Variants in PPP2CA observed in about 807,000 individuals in gnomAD.
PPP2CA encodes the protein serine/threonine-protein phosphatase 2A catalytic subunit alpha isoform.
A neutral mutation model predicts 38.8 loss-of-function variants in PPP2CA; 5 were observed. The ratio of observed to expected loss-of-function variants is 0.13; its 90% CI spans 0.07 to 0.27. PPP2CA has a LOEUF of 0.27. PPP2CA is among the 10% of genes least tolerant of loss of function. PPP2CA has a pLI of 1.00. For missense variants in PPP2CA, 88 were observed against 389.7 expected, an observed-to-expected ratio of 0.23 and a Z score of 6.52; for synonymous variants, 152 against 134.0, an observed-to-expected ratio of 1.13 and a Z score of -0.93.
chr5:134,207,174 C>T (rs4958223), intron 1 of PPP2CA, among the ~76,000 whole-genome samples: 117,634 of 152,124 alleles, frequency 0.77, 45,944 homozygotes, highest in Non-Finnish European at 0.82. Context: ...GAGGCCAAGG[C>T]GGGCCGATCA....
chr5:134,214,454 T>C (rs1274210370), intron 1 of PPP2CA, among the ~76,000 whole-genome samples: 3 of 152,188 alleles, frequency 2.0e-5, no homozygotes, highest in Non-Finnish European at 2.9e-5. Flanking sequence ...CAGGGCAAAA[T>C]AGCATTAACT....
intron 1 of PPP2CA, among the ~76,000 whole-genome samples, chr5:134,210,581 T>C (rs577235648): frequency 3.3e-5 from 5 of 152,344 alleles, no homozygotes; most frequent in East Asian, 1.9e-4. Context: ...CAGTGGCTCA[T>C]GCCTGTAATC....
At chr5:134,204,388 T>C (rs1330122664) in intron 2 of PPP2CA, among the ~76,000 whole-genome samples, 2 of 152,260 alleles carry the variant, frequency 1.3e-5, no homozygotes, top group African/African-American at 2.4e-5. Flanking sequence ...CAGTACACTT[T>C]GCAAAGCTAC....
At position 134,225,785 on chromosome 5, in the gene PPP2CA, G is replaced by C. The variant is rs772521505; in HGVS notation, c.77C>G (p.Ser26Cys). The change falls in exon 1 of 7, where the codon TCC becomes TGC. Residue 26 changes from serine to cysteine, a missense_variant. By Grantham distance (112) the Ser-to-Cys change is moderately radical. Transcript: ENST00000481195. ...QLNECKQLSE[S>C]QVKSLCEKAK... ...CTTCTCGCAGAGGCTCTTGACCTGG[G>C]ACTCGGACAGCTGCTTGCACTCGTT... The C allele has an allele frequency of 6.2e-7, 1 of 1,610,438 alleles. No homozygotes were observed. The highest frequency in any genetic ancestry group is 8.5e-7 in the Non-Finnish European group (1 of 1,179,092).
chr5:134,217,802 T>C (rs1762353456), intron 1 of PPP2CA, among the ~76,000 whole-genome samples: 2 of 152,236 alleles, frequency 1.3e-5, no homozygotes, highest in African/African-American at 2.4e-5. Context: ...TCAAATTATT[T>C]AGTTGTTGTG....
intron 1 of PPP2CA, among the ~76,000 whole-genome samples, chr5:134,217,440 G>T (rs962666265): frequency 6.6e-6 from 1 of 152,004 alleles, no homozygotes; most frequent in Non-Finnish European, 1.5e-5. Context: ...ATTAATTTTT[G>T]AATTTTATTT....
In PPP2CA at chr5:134,200,894, A is replaced by G. The variant is rs1399974900; in HGVS notation, c.576+91T>C. ...ACACCTCAAGTTGTTTTTGAGAATT[A>G]TATGAGAGAATACATCTAATGAACT... On this transcript the variant is annotated intron_variant, in intron 4 of 6. Coordinates refer to ENST00000481195, the MANE Select transcript of PPP2CA (RefSeq NM_002715.4). 9 of 1,080,318 alleles carry G rather than the reference A, an allele frequency of 8.3e-6. 1 individual carries two copies. The highest frequency in any genetic ancestry group is 7.8e-5 in the Admixed American group (4 of 51,520). 66.9% of individuals were successfully genotyped at this position (1,080,318 alleles called of 1,614,324 possible).
chr5:134,215,344 TG>T lies in PPP2CA; in HGVS notation c.103-9214del, dbSNP rs1375674092. On this transcript the variant is annotated intron_variant, in intron 1 of 6. Transcript: ENST00000481195. ...CAGCACTTCGGGAGGCCGAGGCAGG[TG>T]GATCACTTGAGGTCAGGAGTTCAAG... Among the ~76,000 whole-genome samples, 19 of 151,994 alleles carry T rather than the reference TG, an allele frequency of 1.3e-4. No homozygotes were observed. The East Asian group carries it at 3.3e-3, about 26-fold the overall frequency.
rs747617155 is a variant in PPP2CA at position 134,197,859 on chromosome 5, C to A, written c.858-15G>T. On this transcript the variant is annotated splice_polypyrimidine_tract_variant and intron_variant, in intron 6 of 6. Transcript: ENST00000481195. The stretch of plus-strand genomic sequence containing the variant: ...CAAACTGCAAGCTGAAAAACAAGAC[C>A]GATTCATGGTTTATGTTCCACGACC... 8 of 1,612,040 alleles carry A rather than the reference C, an allele frequency of 5.0e-6. No individual in the cohort carries two copies. Among genetic ancestry groups the A allele is most frequent in the Non-Finnish European group, 5.9e-6 (7 of 1,178,422 alleles).
At chr5:134,222,111 C>T (rs1417638164) in intron 1 of PPP2CA, among the ~76,000 whole-genome samples, 1 of 152,052 alleles carries the variant, frequency 6.6e-6, no homozygotes, top group Non-Finnish European at 1.5e-5. Context: ...GAACATTAGG[C>T]TTAGAATCCA....
intron 1 of PPP2CA, among the ~76,000 whole-genome samples, chr5:134,224,754 T>C (rs2284318): frequency 0.099 from 15,107 of 152,280 alleles, 883 homozygotes; most frequent in Admixed American, 0.16. Context: ...GGGAATTAGC[T>C]AATATAAAGT....
intron 1 of PPP2CA, among the ~76,000 whole-genome samples, chr5:134,213,140 G>A (rs1368867502): frequency 1.3e-5 from 2 of 152,178 alleles, no homozygotes; most frequent in African/African-American, 4.8e-5. Context: ...ATGCCACTTA[G>A]GACTTTACTA....
At chr5:134,209,119 G>T (rs1299349440) in intron 1 of PPP2CA, among the ~76,000 whole-genome samples, 1 of 152,142 alleles carries the variant, frequency 6.6e-6, no homozygotes, top group East Asian at 1.9e-4. Flanking sequence ...AAAAAGAACA[G>T]TTAACTCTTA....
At chr5:134,209,279 GAAAA>G (rs56150132) in intron 1 of PPP2CA, among the ~76,000 whole-genome samples, 5 of 150,822 alleles carry the variant, frequency 3.3e-5, no homozygotes, top group South Asian at 2.1e-4. Flanking sequence ...ACCGGAGGGG[GAAAA>G]AAAAAAAATC....
intron 2 of PPP2CA, among the ~76,000 whole-genome samples, chr5:134,203,764 C>T (rs1380023007): frequency 6.6e-6 from 1 of 152,296 alleles, no homozygotes; most frequent in Middle Eastern, 3.4e-3. Context: ...CTCTGTCGCC[C>T]AGGCTCAAAT....
chr5:134,207,013 A>T (rs2149384848), intron 1 of PPP2CA, among the ~76,000 whole-genome samples: 1 of 152,366 alleles, frequency 6.6e-6, no homozygotes, highest in South Asian at 2.1e-4. Context: ...ATACCAAAAC[A>T]AATTACCAGA....
intron 2 of PPP2CA, among the ~76,000 whole-genome samples, chr5:134,204,144 G>A (rs1447543615): frequency 6.6e-6 from 1 of 152,180 alleles, no homozygotes; most frequent in Non-Finnish European, 1.5e-5. Flanking sequence ...AGAAAATTCA[G>A]CTCACGCTAA....
intron 1 of PPP2CA, among the ~76,000 whole-genome samples, chr5:134,211,638 TA>T (rs1169712952): frequency 2.3e-4 from 13 of 55,462 alleles, no homozygotes; most frequent in Non-Finnish European, 4.9e-4. Flanking sequence ...CACTCCCAGC[TA>T]ATTTTTTTTT....
In PPP2CA at chr5:134,220,657, G is replaced by T. The variant is rs528651501; in HGVS notation, c.102+5103C>A. 3.3e-5 allele frequency among the ~76,000 whole-genome samples: 5 copies of T among 152,142 alleles called. No homozygotes were observed. The East Asian group carries it at 9.7e-4, about 29-fold the overall frequency. On this transcript the variant is annotated intron_variant, in intron 1 of 6. Transcript: ENST00000481195. ...ACATATAGCTTTGCCTCTCTCCTCA[G>T]TACCCTGATAAAAGACCCCACCAAA...
Sources: gnomAD v4.1 joint callset for allele counts (sites outside exome capture counted in the v4.1 genomes callset) on GRCh38, gnomAD v4.1.1 for gene constraint, MANE v1.5 for transcripts, NCBI Gene and HGNC (gene_info 2026-07-23, HGNC 2026-07-21) for gene names.